ZBTB20: variants seen among roughly 807,000 people sequenced by gnomAD.
ZBTB20 encodes the protein zinc finger and BTB domain-containing protein 20.
A neutral mutation model predicts 56.9 loss-of-function variants in ZBTB20; 9 were observed. The ratio of observed to expected loss-of-function variants is 0.16; its 90% CI spans 0.10 to 0.28. The LOEUF is 0.28. ZBTB20 is among the 10% of genes least tolerant of loss of function. The pLI is 1.00. For missense variants in ZBTB20, 655 were observed against 1,003.0 expected, an observed-to-expected ratio of 0.65 and a Z score of 4.69; for synonymous variants, 417 against 420.7, an observed-to-expected ratio of 0.99 and a Z score of 0.11.
intron 6 of ZBTB20, among the ~76,000 whole-genome samples, chr3:114,587,614 T>G (rs1374778006): frequency 6.6e-6 from 1 of 152,222 alleles, no homozygotes; most frequent in Non-Finnish European, 1.5e-5. Flanking sequence ...TTTTTTCAGA[T>G]GTGAGAACTA....
intron 2 of ZBTB20, among the ~76,000 whole-genome samples, chr3:115,054,993 C>G (rs925457493): frequency 6.6e-6 from 1 of 152,046 alleles, no homozygotes; most frequent in Non-Finnish European, 1.5e-5. Flanking sequence ...GAAATCAAAA[C>G]TTTTATAGGA....
chr3:114,340,059 T>C (rs959755594), intron 11 of ZBTB20, among the ~76,000 whole-genome samples: 2 of 152,214 alleles, frequency 1.3e-5, no homozygotes, highest in African/African-American at 4.8e-5. Flanking sequence ...TTCTAAAATA[T>C]AACTTAAGGG....
intron 1 of ZBTB20, among the ~76,000 whole-genome samples, chr3:115,106,271 T>A (rs1316147170): frequency 6.7e-6 from 1 of 148,768 alleles, no homozygotes; most frequent in Non-Finnish European, 1.5e-5. Flanking sequence ...TCTCACTCTG[T>A]CGCCCAGGCT....
At chr3:115,025,904 A>C (rs115522363) in intron 2 of ZBTB20, among the ~76,000 whole-genome samples, 4,816 of 148,892 alleles carry the variant, frequency 0.032, 205 homozygotes, top group African/African-American at 0.088. Context: ...AAAATACTAA[A>C]TATATAAAAT....
chr3:114,784,963 C>T (rs902108893), intron 5 of ZBTB20, among the ~76,000 whole-genome samples: 1 of 152,126 alleles, frequency 6.6e-6, no homozygotes, highest in African/African-American at 2.4e-5. Flanking sequence ...AACAACAATA[C>T]TATATTATAA....
intron 1 of ZBTB20, among the ~76,000 whole-genome samples, chr3:115,083,997 T>G (rs1434238271): frequency 6.6e-6 from 1 of 152,070 alleles, no homozygotes; most frequent in Admixed American, 6.6e-5. Context: ...GGATATTGTC[T>G]GTGAAAACTA....
At chr3:114,786,794 G>C (rs1384154524) in intron 5 of ZBTB20, among the ~76,000 whole-genome samples, 1 of 151,898 alleles carries the variant, frequency 6.6e-6, no homozygotes, top group South Asian at 2.1e-4. Flanking sequence ...TATTGACAAG[G>C]ATATTGACAA....
intron 3 of ZBTB20, among the ~76,000 whole-genome samples, chr3:114,903,198 C>G (rs186800314): frequency 1.3e-5 from 2 of 152,188 alleles, no homozygotes; most frequent in Admixed American, 1.3e-4. Context: ...TTCCAGCTCC[C>G]CATCTTTAGT....
chr3:114,978,041 A>G (rs1471723496), intron 2 of ZBTB20, among the ~76,000 whole-genome samples: 1 of 151,332 alleles, frequency 6.6e-6, no homozygotes, highest in Non-Finnish European at 1.5e-5. Flanking sequence ...TGTAAGGCAG[A>G]AAACATCTTT....
intron 3 of ZBTB20, among the ~76,000 whole-genome samples, chr3:114,902,698 A>G (rs1372766947): frequency 6.6e-6 from 1 of 152,134 alleles, no homozygotes; most frequent in Non-Finnish European, 1.5e-5. Context: ...TAGTGACCCA[A>G]TCTGGAATGC....
At chr3:114,697,650 T>G (rs564162336) in intron 5 of ZBTB20, among the ~76,000 whole-genome samples, 2 of 152,166 alleles carry the variant, frequency 1.3e-5, no homozygotes, top group African/African-American at 2.4e-5. Context: ...TAAGTGATGT[T>G]GCGTAACTGA....
chr3:114,691,988 T>A (rs1024168816), intron 6 of ZBTB20, among the ~76,000 whole-genome samples: 3 of 152,072 alleles, frequency 2.0e-5, no homozygotes, highest in Admixed American at 2.0e-4. Flanking sequence ...CCAGATAGTT[T>A]AAATCTCCAT....
chr3:114,624,505 G>A (rs1000744449), intron 6 of ZBTB20, among the ~76,000 whole-genome samples: 6 of 152,122 alleles, frequency 3.9e-5, no homozygotes, highest in African/African-American at 1.4e-4. Context: ...AAAAAGGAAA[G>A]GAGAACAAAA....
chr3:114,712,955 A>G (rs2064196380), intron 5 of ZBTB20, among the ~76,000 whole-genome samples: 1 of 152,128 alleles, frequency 6.6e-6, no homozygotes, highest in Admixed American at 6.6e-5. Flanking sequence ...TAATGGTATA[A>G]CCTGCTAAGC....
At chr3:114,969,077 T>A (rs1001069657) in intron 3 of ZBTB20, among the ~76,000 whole-genome samples, 2 of 152,214 alleles carry the variant, frequency 1.3e-5, no homozygotes, top group Non-Finnish European at 2.9e-5. Flanking sequence ...TATATCTATG[T>A]CTCTAATATT....
At chr3:114,987,625 AG>A in intron 2 of ZBTB20, among the ~76,000 whole-genome samples, 1 of 152,288 alleles carries the variant, frequency 6.6e-6, no homozygotes, top group East Asian at 1.9e-4. Context: ...AAAATAACAT[AG>A]GTTTGCTAAT....
chr3:114,656,937 C>T (rs191622008), intron 6 of ZBTB20, among the ~76,000 whole-genome samples: 5 of 152,126 alleles, frequency 3.3e-5, no homozygotes, highest in East Asian at 1.9e-4. Context: ...GCTACCGCAC[C>T]GGGCCTGAAA....
At chr3:114,561,133 C>A (rs1215262508) in intron 6 of ZBTB20, among the ~76,000 whole-genome samples, 1 of 152,200 alleles carries the variant, frequency 6.6e-6, no homozygotes, top group African/African-American at 2.4e-5. Context: ...TCAGTTACAT[C>A]TTCAGGCTTC....
chr3:114,395,302 A>G (rs1296612424), intron 7 of ZBTB20, among the ~76,000 whole-genome samples: 2 of 152,146 alleles, frequency 1.3e-5, no homozygotes, highest in Admixed American at 6.6e-5. Context: ...AGAGTTAGAA[A>G]GTGTAAGATA....
Sources: gnomAD v4.1 joint callset for allele counts (sites outside exome capture counted in the v4.1 genomes callset) on GRCh38, gnomAD v4.1.1 for gene constraint, MANE v1.5 for transcripts, NCBI Gene and HGNC (gene_info 2026-07-23, HGNC 2026-07-21) for gene names.